Variants in VRK1 observed in about 807,000 individuals in gnomAD.
The protein encoded by VRK1 is serine/threonine-protein kinase VRK1.
In VRK1, 33 loss-of-function variants were observed where a neutral mutation model predicts 57.1. That is an observed-to-expected ratio of 0.58 (90% CI 0.44 to 0.77). VRK1 has a LOEUF of 0.77. Among genes scored for constraint, VRK1 ranks in the 30% least tolerant of loss-of-function variants. The probability of loss-of-function intolerance (pLI) is 0.00; values close to 1 mark genes in which losing one functional copy is unlikely to be tolerated. For missense variants in VRK1, 413 were observed against 477.3 expected (o/e 0.87, Z 1.25); for synonymous variants, 137 against 147.8 (o/e 0.93, Z 0.53).
At position 96,833,252 on chromosome 14, in the gene VRK1, T is replaced by C. The variant is rs138258659; in HGVS notation, c.-5-215T>C. On this transcript the variant is annotated intron_variant, in intron 1 of 12. Coordinates refer to ENST00000216639, the MANE Select transcript of VRK1 (RefSeq NM_003384.3). ...TTAAACCTAATTATTTCCTTGAAAA[T>C]AGTTGCATATATGATTTTATTGTTT... is the stretch of plus-strand genomic sequence containing the variant. 8.9e-4 allele frequency among the ~76,000 whole-genome samples: 135 copies of C among 152,292 alleles called. 1 individual carries two copies. Among genetic ancestry groups the C allele is most frequent in the Middle Eastern group, 3.4e-3 (1 of 294 alleles).
chr14:96,855,818 A>C (rs550883627), intron 8 of VRK1, among the ~76,000 whole-genome samples: 5 of 152,322 alleles, frequency 3.3e-5, no homozygotes, highest in Non-Finnish European at 7.4e-5. Flanking sequence ...ATAGCATATA[A>C]AAATTTTAAG....
At chr14:96,833,973 C>A (rs538870255) in intron 2 of VRK1, among the ~76,000 whole-genome samples, 1 of 152,148 alleles carries the variant, frequency 6.6e-6, no homozygotes, top group African/African-American at 2.4e-5. Context: ...TTATTCCCTC[C>A]GTGTTTGTCT....
intron 1 of VRK1, among the ~76,000 whole-genome samples, chr14:96,820,871 T>A (rs1034144358): frequency 1.3e-5 from 2 of 152,188 alleles, no homozygotes; most frequent in Admixed American, 1.3e-4. Context: ...ATAATTTTGT[T>A]CTGAATTTCC....
At chr14:96,854,959 ATATACT>A (rs1487142917) in intron 7 of VRK1, among the ~76,000 whole-genome samples, 1 of 149,154 alleles carries the variant, frequency 6.7e-6, no homozygotes, top group African/African-American at 2.6e-5. Context: ...CAAGTATAAC[ATATACT>A]TATCTTAAAA....
chr14:96,874,434 C>T (rs1351007885), intron 11 of VRK1, among the ~76,000 whole-genome samples: 2 of 152,172 alleles, frequency 1.3e-5, no homozygotes, highest in Non-Finnish European at 2.9e-5. Context: ...TCGAACCAAT[C>T]TGTTCAGCCC....
intron 1 of VRK1, among the ~76,000 whole-genome samples, chr14:96,812,211 T>C (rs1390233545): frequency 6.6e-6 from 1 of 152,232 alleles, no homozygotes; most frequent in Non-Finnish European, 1.5e-5. Flanking sequence ...TGCTTTTGCT[T>C]TTTGACTATT....
chr14:96,833,490 G>T lies in VRK1; in HGVS notation c.19G>T (p.Ala7Ser), dbSNP rs1390949557. 4 of 1,613,520 alleles carry T rather than the reference G, an allele frequency of 2.5e-6. No individual in the cohort carries two copies. The Admixed American group carries it at 5.0e-5, about 20-fold the overall frequency. Residue 7 changes from alanine to serine, a missense_variant, in exon 2 of 13, where the codon GCT becomes TCT. Physicochemically the swap from Ala to Ser is moderately conservative, Grantham distance 99 (BLOSUM62 1). Coordinates refer to ENST00000216639, the MANE Select transcript of VRK1 (RefSeq NM_003384.3). Reference sequence around the variant, plus strand: ...AGTGAAAATGCCTCGTGTAAAAGCAGCTCAAGCTGGAAGACAGAGCTCTGC... The same window carrying T: ...AGTGAAAATGCCTCGTGTAAAAGCATCTCAAGCTGGAAGACAGAGCTCTGC... MPRVKA[A>S]QAGRQSSAKR...
intron 1 of VRK1, among the ~76,000 whole-genome samples, chr14:96,807,029 C>T (rs375437338): frequency 2.0e-5 from 3 of 152,158 alleles, no homozygotes; most frequent in East Asian, 1.9e-4. Context: ...ATGCCTCCAA[C>T]GACAGAGAAC....
chr14:96,814,843 C>A (rs1324595834), intron 1 of VRK1, among the ~76,000 whole-genome samples: 1 of 152,136 alleles, frequency 6.6e-6, no homozygotes, highest in Non-Finnish European at 1.5e-5. Flanking sequence ...TTTAAAACTG[C>A]CTAATATTCC....
chr14:96,852,070 G>T (rs1887972134), intron 5 of VRK1, among the ~76,000 whole-genome samples: 1 of 152,188 alleles, frequency 6.6e-6, no homozygotes, highest in East Asian at 1.9e-4. Flanking sequence ...CAGTGTTATT[G>T]CAAATAGGTG....
intron 1 of VRK1, among the ~76,000 whole-genome samples, chr14:96,818,032 T>C (rs1442544185): frequency 6.7e-6 from 1 of 149,086 alleles, no homozygotes; most frequent in African/African-American, 2.6e-5. Flanking sequence ...TTCATCACTT[T>C]CGTTTCTGGG....
intron 1 of VRK1, among the ~76,000 whole-genome samples, chr14:96,808,002 C>CGTCTCTCTCTCTCTCTCTCTCT (rs1555357994): frequency 8.5e-6 from 1 of 118,140 alleles, no homozygotes; most frequent in African/African-American, 3.6e-5. Context: ...TCCCTCTCTC[C>CGTCTCTCTCTCTCTCTCTCTCT]CTCTCTCTCT....
intron 3 of VRK1, among the ~76,000 whole-genome samples, chr14:96,843,789 A>T (rs1241149824): frequency 6.6e-6 from 1 of 152,204 alleles, no homozygotes; most frequent in Non-Finnish European, 1.5e-5. Context: ...AGCTTTGGCT[A>T]GAGTGCAATG....
chr14:96,837,208 C>G (rs1232296812), intron 2 of VRK1, among the ~76,000 whole-genome samples: 2 of 152,168 alleles, frequency 1.3e-5, no homozygotes, highest in African/African-American at 4.8e-5. Flanking sequence ...TCTGGGGCAA[C>G]TGTACTTCTT....
chr14:96,840,858 C>CTTT (rs56081379), intron 3 of VRK1, among the ~76,000 whole-genome samples: 1 of 143,468 alleles, frequency 7.0e-6, no homozygotes, highest in Non-Finnish European at 1.5e-5. Flanking sequence ...ATAACTTGAA[C>CTTT]TTTTTTTTTT....
At chr14:96,826,569 A>G (rs1299285752) in intron 1 of VRK1, among the ~76,000 whole-genome samples, 2 of 152,194 alleles carry the variant, frequency 1.3e-5, no homozygotes, top group African/African-American at 4.8e-5. Context: ...ATAAAAGTAG[A>G]CTTGCATAGA....
chr14:96,839,459 G>T (rs566917185), intron 3 of VRK1, among the ~76,000 whole-genome samples: 1 of 151,926 alleles, frequency 6.6e-6, no homozygotes, highest in East Asian at 1.9e-4. Flanking sequence ...TGTACACATT[G>T]GCCAATAATA....
At chr14:96,843,194 G>C (rs1195909287) in intron 3 of VRK1, among the ~76,000 whole-genome samples, 2 of 152,178 alleles carry the variant, frequency 1.3e-5, no homozygotes, top group Non-Finnish European at 2.9e-5. Flanking sequence ...AGAAATGTTG[G>C]ATAATGCAAG....
At chr14:96,803,388 C>G (rs113838878) in intron 1 of VRK1, among the ~76,000 whole-genome samples, 12,648 of 152,092 alleles carry the variant, frequency 0.083, 689 homozygotes, top group Non-Finnish European at 0.13. Flanking sequence ...CCAGGCTGGT[C>G]TCGAACTCCT....
Sources: gnomAD v4.1 joint callset for allele counts (sites outside exome capture counted in the v4.1 genomes callset) on GRCh38, gnomAD v4.1.1 for gene constraint, MANE v1.5 for transcripts, NCBI Gene and HGNC (gene_info 2026-07-23, HGNC 2026-07-21) for gene names.